The following RAB38 variants were observed in gnomAD, a reference collection of about 807,000 sequenced individuals.
The protein encoded by RAB38 is RAB38, member RAS oncogene family.
A neutral mutation model predicts 18.4 loss-of-function variants in RAB38; 15 were observed. The ratio of observed to expected loss-of-function variants is 0.82; its 90% CI spans 0.55 to 1.26. The LOEUF is 1.26. Among genes scored for constraint, RAB38 ranks in the 50% most tolerant of loss-of-function variants. RAB38 has a pLI of 0.00. For missense variants in RAB38, 294 were observed against 267.4 expected (o/e 1.10, Z -0.69); for synonymous variants, 101 against 104.4 (o/e 0.97, Z 0.20).
chr11:88,078,012 G>A, the RAB38 span, among the ~76,000 whole-genome samples: 1 of 151,864 alleles, frequency 6.6e-6, no homozygotes, highest in Admixed American at 6.6e-5. Context: ...ATTGGCAAAA[G>A]ATATGAATAT....
chr11:88,073,826 G>A, the RAB38 span, among the ~76,000 whole-genome samples: 2 of 151,870 alleles, frequency 1.3e-5, no homozygotes, highest in African/African-American at 4.8e-5. Flanking sequence ...ATTTATTGAA[G>A]AGATTGAATA....
the RAB38 span, among the ~76,000 whole-genome samples, chr11:87,908,975 T>A: frequency 1.3e-5 from 2 of 151,990 alleles, no homozygotes; most frequent in Admixed American, 1.3e-4. Context: ...GAAACTGTAA[T>A]GGAAACAATT....
intron 2 of RAB38, among the ~76,000 whole-genome samples, chr11:88,140,848 T>C (rs184124905): frequency 6.6e-6 from 1 of 152,326 alleles, no homozygotes; most frequent in African/African-American, 2.4e-5. Context: ...GGTGTCCAGC[T>C]TGAGTGTCTG....
chr11:87,882,223 TC>T, the RAB38 span, among the ~76,000 whole-genome samples: 1 of 151,874 alleles, frequency 6.6e-6, no homozygotes, highest in Non-Finnish European at 1.5e-5. Context: ...CAAAATAAGT[TC>T]TTTCTATGCT....
At chr11:88,080,495 C>A in the RAB38 span, among the ~76,000 whole-genome samples, 1 of 151,664 alleles carries the variant, frequency 6.6e-6, no homozygotes, top group Non-Finnish European at 1.5e-5. Context: ...GGATCTGATG[C>A]AAGCCGAATC....
the RAB38 span, among the ~76,000 whole-genome samples, chr11:87,807,582 G>A: frequency 6.6e-6 from 1 of 152,178 alleles, no homozygotes; most frequent in Non-Finnish European, 1.5e-5. Context: ...TATAAAAATT[G>A]TTTTTGTTAA....
At chr11:87,904,859 T>G in the RAB38 span, among the ~76,000 whole-genome samples, 4 of 151,782 alleles carry the variant, frequency 2.6e-5, no homozygotes, top group African/African-American at 9.7e-5. Context: ...TGATTTTCTT[T>G]GCGTTTTTAC....
the RAB38 span, among the ~76,000 whole-genome samples, chr11:87,883,860 G>T: frequency 1.3e-5 from 2 of 151,888 alleles, no homozygotes; most frequent in Non-Finnish European, 2.9e-5. Flanking sequence ...TTCCAGAAAA[G>T]AACTCTTCAT....
chr11:87,861,276 G>C, the RAB38 span, among the ~76,000 whole-genome samples: 1 of 151,888 alleles, frequency 6.6e-6, no homozygotes, highest in African/African-American at 2.4e-5. Context: ...ACACAGTTCC[G>C]ACTGAAAAAT....
At chr11:88,043,556 G>T in the RAB38 span, among the ~76,000 whole-genome samples, 4 of 151,720 alleles carry the variant, frequency 2.6e-5, no homozygotes, top group Admixed American at 1.3e-4. Flanking sequence ...AAATTCCTTT[G>T]CCTGGCTCAT....
the RAB38 span, among the ~76,000 whole-genome samples, chr11:88,080,595 A>T: frequency 2.0e-5 from 3 of 151,502 alleles, no homozygotes; most frequent in Non-Finnish European, 4.4e-5. Context: ...CAAACAATTA[A>T]AAAAAAAGTT....
the RAB38 span, among the ~76,000 whole-genome samples, chr11:87,887,184 G>C: frequency 2.0e-5 from 3 of 151,946 alleles, no homozygotes; most frequent in South Asian, 4.1e-4. Context: ...GAGAGGCTAA[G>C]TAACTTTTCC....
the RAB38 span, among the ~76,000 whole-genome samples, chr11:87,924,491 T>A: frequency 6.0e-5 from 9 of 151,116 alleles, no homozygotes; most frequent in Non-Finnish European, 1.0e-4. Context: ...GTGACCTTTT[T>A]TCTGTTGAGT....
the RAB38 span, among the ~76,000 whole-genome samples, chr11:88,085,927 G>A: frequency 6.6e-6 from 1 of 151,858 alleles, no homozygotes; most frequent in Non-Finnish European, 1.5e-5. Context: ...TAAATTCAGG[G>A]ACAAAATCTA....
chr11:88,174,620 C>CAAAAAAAAAAAAAAAAAAAAAAAA (rs60026669), intron 1 of RAB38, among the ~76,000 whole-genome samples: 2 of 101,130 alleles, frequency 2.0e-5, no homozygotes, highest in African/African-American at 7.7e-5. Flanking sequence ...AAGCAAAAAG[C>CAAAAAAAAAAAAAAAAAAAAAAAA]AAAAAAAAAA....
chr11:88,033,571 A>C, the RAB38 span, among the ~76,000 whole-genome samples: 1 of 152,044 alleles, frequency 6.6e-6, no homozygotes, highest in Non-Finnish European at 1.5e-5. Context: ...TCTCCATGAA[A>C]AATTGATATT....
chr11:87,964,298 T>C, the RAB38 span, among the ~76,000 whole-genome samples: 1 of 152,062 alleles, frequency 6.6e-6, no homozygotes, highest in African/African-American at 2.4e-5. Flanking sequence ...AAGAAGGAAC[T>C]CCAGTGTGAT....
intron 2 of RAB38, among the ~76,000 whole-genome samples, chr11:88,124,737 C>T (rs1041441381): frequency 1.6e-4 from 24 of 152,138 alleles, no homozygotes; most frequent in African/African-American, 5.8e-4. Flanking sequence ...TGGAATAAAA[C>T]ATTATTTTTC....
the RAB38 span, among the ~76,000 whole-genome samples, chr11:87,899,209 C>T: frequency 2.0e-5 from 3 of 151,562 alleles, no homozygotes; most frequent in Non-Finnish European, 4.4e-5. Context: ...GGTGCAAAGA[C>T]GGAAGGTGTG....
Sources: gnomAD v4.1 joint callset for allele counts (sites outside exome capture counted in the v4.1 genomes callset) on GRCh38, gnomAD v4.1.1 for gene constraint, MANE v1.5 for transcripts, NCBI Gene and HGNC (gene_info 2026-07-23, HGNC 2026-07-21) for gene names.